The following OCA2 variants were observed in gnomAD, a reference collection of about 807,000 sequenced individuals.
The protein encoded by OCA2 is P protein.
OCA2 carries 77 observed loss-of-function variants against 100.2 expected under a neutral mutation model. The observed-to-expected ratio is 0.77, with a 90% confidence interval of 0.64 to 0.93. The LOEUF (loss-of-function observed/expected upper bound fraction) is 0.93. OCA2 is among the 40% of genes least tolerant of loss of function. OCA2 has a pLI of 0.00. For synonymous variants in OCA2, 432 were observed against 439.2 expected (o/e 0.98, Z 0.21); for missense variants, 1,062 against 1,089.1 (o/e 0.98, Z 0.35).
chr15:27,975,789 G>C (rs1421903956), intron 14 of OCA2, among the ~76,000 whole-genome samples: 1 of 151,984 alleles, frequency 6.6e-6, no homozygotes, highest in Non-Finnish European at 1.5e-5. Context: ...ATAAATTTTA[G>C]AATCAGCTTG....
chr15:27,763,772 CTGGG>C (rs2031031890), intron 23 of OCA2, among the ~76,000 whole-genome samples: 1 of 152,168 alleles, frequency 6.6e-6, no homozygotes, highest in Non-Finnish European at 1.5e-5. Context: ...TGCCCTGGTA[CTGGG>C]TGGGAGTGAG....
chr15:27,881,795 G>A (rs1336150543), intron 19 of OCA2, among the ~76,000 whole-genome samples: 1 of 151,782 alleles, frequency 6.6e-6, no homozygotes, highest in Non-Finnish European at 1.5e-5. Context: ...CAGTCTACCT[G>A]TCCTATTGAT....
At chr15:27,950,667 G>C in intron 18 of OCA2, 1 of 346,648 alleles carries the variant, frequency 2.9e-6, no homozygotes, top group South Asian at 2.2e-5. Context: ...ATCATGTGTT[G>C]TGTGAGAATC....
At chr15:28,003,702 G>A (rs2041999941) in intron 9 of OCA2, among the ~76,000 whole-genome samples, 1 of 148,158 alleles carries the variant, frequency 6.7e-6, no homozygotes, top group Admixed American at 6.6e-5. Context: ...GGCCCTCGGG[G>A]GTTCTTAGAA....
chr15:27,734,924 AC>A, the OCA2 span, among the ~76,000 whole-genome samples: 1 of 152,226 alleles, frequency 6.6e-6, no homozygotes, highest in Non-Finnish European at 1.5e-5. Flanking sequence ...AAATGCACAA[AC>A]ATCAACATAT....
intron 19 of OCA2, among the ~76,000 whole-genome samples, chr15:27,875,640 G>A (rs1483084490): frequency 6.6e-6 from 1 of 151,884 alleles, no homozygotes; most frequent in Non-Finnish European, 1.5e-5. Context: ...CTTATCTATG[G>A]ACAGACTATA....
At chr15:27,826,045 A>G (rs562912067) in intron 23 of OCA2, among the ~76,000 whole-genome samples, 52 of 152,348 alleles carry the variant, frequency 3.4e-4, no homozygotes, top group Non-Finnish European at 5.0e-4. Context: ...AGAACTGAGC[A>G]AGTAAATACA....
At chr15:28,066,637 A>G (rs1274456793) in intron 2 of OCA2, among the ~76,000 whole-genome samples, 2 of 152,102 alleles carry the variant, frequency 1.3e-5, no homozygotes. Context: ...TCTTTGACAC[A>G]TTTTTAATGG....
the OCA2 span, among the ~76,000 whole-genome samples, chr15:27,728,012 CA>C: frequency 6.6e-6 from 1 of 152,310 alleles, no homozygotes; most frequent in South Asian, 2.1e-4. Flanking sequence ...GTATGTCTCT[CA>C]CACACGCCAA....
chr15:28,052,717 A>AAT (rs1300614872), intron 2 of OCA2, among the ~76,000 whole-genome samples: 12 of 152,236 alleles, frequency 7.9e-5, no homozygotes, highest in Non-Finnish European at 1.8e-4. Flanking sequence ...ACAGAGGTCT[A>AAT]ATGCCCTGCA....
chr15:27,756,887 C>T (rs567692968), intron 23 of OCA2, among the ~76,000 whole-genome samples: 1 of 152,336 alleles, frequency 6.6e-6, no homozygotes, highest in East Asian at 1.9e-4. Flanking sequence ...TTTTGCCGTG[C>T]TCCCAAGTGA....
At chr15:27,875,398 T>C (rs1348939909) in intron 19 of OCA2, among the ~76,000 whole-genome samples, 1 of 152,182 alleles carries the variant, frequency 6.6e-6, no homozygotes, top group Non-Finnish European at 1.5e-5. Context: ...ACCACAGTCT[T>C]GATTACTATA....
chr15:27,841,300 G>T (rs1432761371), intron 23 of OCA2, among the ~76,000 whole-genome samples: 1 of 152,320 alleles, frequency 6.6e-6, no homozygotes, highest in East Asian at 1.9e-4. Flanking sequence ...GGGTAGAGGT[G>T]GGAGGGATGC....
At chr15:27,864,199 G>C (rs1379019878) in intron 21 of OCA2, among the ~76,000 whole-genome samples, 1 of 152,116 alleles carries the variant, frequency 6.6e-6, no homozygotes, top group Admixed American at 6.5e-5. Flanking sequence ...TGGCATTTCT[G>C]TGCTCCTCCC....
intron 19 of OCA2, among the ~76,000 whole-genome samples, chr15:27,879,033 G>A (rs1284804089): frequency 1.3e-5 from 2 of 152,000 alleles, no homozygotes; most frequent in Non-Finnish European, 1.5e-5. Context: ...ACAGGATCCA[G>A]TGTGGGTTGT....
At chr15:28,041,714 A>G (rs140517336) in intron 2 of OCA2, among the ~76,000 whole-genome samples, 1 of 152,380 alleles carries the variant, frequency 6.6e-6, no homozygotes, top group African/African-American at 2.4e-5. Context: ...TATTCACACA[A>G]TGGAATTTCA....
chr15:27,997,027 A>G (rs796924197), intron 9 of OCA2, among the ~76,000 whole-genome samples: 134 of 75,648 alleles, frequency 1.8e-3, no homozygotes, highest in African/African-American at 3.1e-3. Context: ...GAAAGAAAGA[A>G]AGAGAGAGAG....
chr15:27,885,628 G>A (rs1350797367), intron 19 of OCA2, among the ~76,000 whole-genome samples: 10 of 152,196 alleles, frequency 6.6e-5, no homozygotes, highest in Admixed American at 6.5e-4. Flanking sequence ...TGAAAATTAT[G>A]ATGAATGACT....
chr15:28,019,509 G>A (rs112015394), intron 6 of OCA2, among the ~76,000 whole-genome samples: 5 of 152,200 alleles, frequency 3.3e-5, no homozygotes, highest in South Asian at 2.1e-4. Flanking sequence ...TGCAACTACC[G>A]AACCGACACC....
Sources: allele counts gnomAD v4.1 joint callset (sites outside exome capture counted in the v4.1 genomes callset), GRCh38; gene constraint gnomAD v4.1.1; transcripts MANE v1.5; gene names NCBI Gene and HGNC (gene_info 2026-07-23, HGNC 2026-07-21).